Variants in ABCA1 observed in about 807,000 individuals in gnomAD.
ABCA1 encodes ATP binding cassette subfamily A member 1, also known as phospholipid-transporting ATPase ABCA1.
ABCA1 carries 133 observed loss-of-function variants against 262.5 expected under a neutral mutation model. The ratio of observed to expected loss-of-function variants is 0.51; its 90% CI spans 0.44 to 0.59. The LOEUF (loss-of-function observed/expected upper bound fraction) is 0.59, where lower values mean the gene tolerates loss of function less well. Among genes scored for constraint, ABCA1 ranks in the 20% least tolerant of loss-of-function variants. ABCA1 has a pLI of 0.00. For synonymous variants in ABCA1, 1,022 were observed against 1,043.5 expected, an observed-to-expected ratio of 0.98 and a Z score of 0.40; for missense variants, 2,452 against 2,777.5, an observed-to-expected ratio of 0.88 and a Z score of 2.63.
intron 39 of ABCA1, 58 bp from the exon 40 acceptor site, chr9:104,794,568 T>C: frequency 6.4e-7 from 1 of 1,571,264 alleles, no homozygotes; most frequent in East Asian, 2.3e-5. Flanking sequence ...GAAACGGGTG[T>C]CATTCATGGT....
At chr9:104,881,952 T>G (rs1838691699) in intron 5 of ABCA1, among the ~76,000 whole-genome samples, 1 of 149,506 alleles carries the variant, frequency 6.7e-6, no homozygotes, top group South Asian at 2.1e-4. Context: ...AAGACAGCTT[T>G]GCTTCCCTTT....
In ABCA1 at chr9:104,824,390, C is replaced by T. The variant is rs56104133; in HGVS notation, c.2656+75G>A. On this transcript the variant is annotated intron_variant, in intron 18 of 49. Coordinates refer to ENST00000374736, the MANE Select transcript of ABCA1 (RefSeq NM_005502.4). ...CACAGTCTTTTAGAAAGGCAGGAGACATCGCTTGCCCCCAACAGTTAGCAG... is the reference window on the plus strand; with the variant it reads ...CACAGTCTTTTAGAAAGGCAGGAGATATCGCTTGCCCCCAACAGTTAGCAG... 11,359 of 1,601,640 alleles carry T rather than the reference C, an allele frequency of 7.1e-3. 46 individuals are homozygous for T. The highest frequency in any genetic ancestry group is 8.8e-3 in the Non-Finnish European group (10,272 of 1,173,758).
chr9:104,820,455 T>A (rs989262739), intron 20 of ABCA1, among the ~76,000 whole-genome samples: 3 of 151,948 alleles, frequency 2.0e-5, no homozygotes, highest in African/African-American at 7.2e-5. Context: ...TCAGGGGACC[T>A]CAGGCTCTGA....
intron 19 of ABCA1, 48 bp downstream of exon 19, chr9:104,822,448 C>G (rs1042552148): frequency 1.2e-6 from 2 of 1,610,120 alleles, no homozygotes; most frequent in African/African-American, 2.7e-5. Flanking sequence ...AACTCTACTG[C>G]AGAACCCTCC....
At chr9:104,864,934 TA>T (rs1473396590) in intron 5 of ABCA1, among the ~76,000 whole-genome samples, 1 of 152,142 alleles carries the variant, frequency 6.6e-6, no homozygotes, top group Non-Finnish European at 1.5e-5. Flanking sequence ...GGATGAGACA[TA>T]AGAACCCAGA....
chr9:104,922,750 C>T (rs1036974903), intron 1 of ABCA1, among the ~76,000 whole-genome samples: 2 of 152,044 alleles, frequency 1.3e-5, no homozygotes, highest in African/African-American at 4.8e-5. Context: ...CTCACTCTGT[C>T]GCCCAGGTTG....
Position 104,921,993 on chromosome 9 carries a change from CATG to C in ABCA1, c.-93+5939_-93+5941del, listed in dbSNP as rs1474479756. Among the ~76,000 whole-genome samples the C allele has an allele frequency of 2.0e-5, 3 of 152,156 alleles. 1 individual carries two copies. Among genetic ancestry groups the C allele is most frequent in the African/African-American group, 7.2e-5 (3 of 41,500 alleles). On this transcript the variant is annotated intron_variant, in intron 1 of 49. Coordinates refer to ENST00000374736, the MANE Select transcript of ABCA1 (RefSeq NM_005502.4). Reference sequence around the variant, plus strand: ...GGAAGGAGTGGATCCAGAAGAGCTTCATGAGGAGGGAAGCATTTAAATCGGGTC... The same window carrying C: ...GGAAGGAGTGGATCCAGAAGAGCTTCAGGAGGGAAGCATTTAAATCGGGTC...
In ABCA1 at chr9:104,794,135, G is replaced by A. The variant is rs2740482; in HGVS notation, c.5506+252C>T. Among the ~76,000 whole-genome samples, 103,307 of 151,538 alleles carry A rather than the reference G, an allele frequency of 0.68. 36,904 individuals carry two copies. The highest frequency in any genetic ancestry group is 0.78 in the Non-Finnish European group (52,824 of 67,788). ...CATGAGCCAGTGGATCCAAGCAAAT[G>A]CCACTATTTTCCTTACCTTCAAAAC... On this transcript the variant is annotated intron_variant, in intron 40 of 49. Transcript: ENST00000374736.
rs1270943590 is a variant in ABCA1 at position 104,817,673 on chromosome 9, G to A, written c.3463-269C>T. Reference sequence around the variant, plus strand: ...GGCCTGCCAATGAATGCTGCAATGAGGCCTTTGCCAACCATCTCAGGCAAG... The same window carrying A: ...GGCCTGCCAATGAATGCTGCAATGAAGCCTTTGCCAACCATCTCAGGCAAG... On this transcript the variant is annotated intron_variant, in intron 23 of 49. Transcript: ENST00000374736. This position sits in a 1 kb window ranked among gnomAD's most constrained non-coding sequence, Gnocchi z 4.7. Among the ~76,000 whole-genome samples the A allele has an allele frequency of 6.6e-6, 1 of 152,194 alleles. No homozygotes were observed. Among genetic ancestry groups the A allele is most frequent in the Non-Finnish European group, 1.5e-5 (1 of 68,044 alleles).
chr9:104,812,585 A>G lies in ABCA1; in HGVS notation c.4039T>C (p.Phe1347Leu), dbSNP rs769840742. ...ACAGCACGTCTCACCTGAGCAAAAA[A>G]TCCTTTCCGACTCCGTCTGGCAATT... Reference protein sequence around the residue: ...LLIARRSRKGFFAQIVLPAVF... With the variant: ...LLIARRSRKGLFAQIVLPAVF... Residue 1347 changes from phenylalanine (F) to leucine (L), a missense_variant, in exon 28 of 50, where the codon TTT (phenylalanine) becomes CTT (leucine). Around this residue, in one of 4 missense-constraint regions of ABCA1, gnomAD observed 665 missense variants for 727.3 expected, o/e 0.91. Coordinates refer to ENST00000374736, the MANE Select transcript of ABCA1 (RefSeq NM_005502.4). 6.2e-7 allele frequency: 1 copy of G among 1,614,130 alleles called. No individual in the cohort carries two copies. Among genetic ancestry groups the G allele is most frequent in the Admixed American group, 1.7e-5 (1 of 60,012 alleles).
Position 104,816,122 on chromosome 9 carries a change from ACAGT to A in ABCA1, c.3738+17_3738+20del, listed in dbSNP as rs1564120102. On this transcript the variant is annotated intron_variant, in intron 25 of 49. Coordinates refer to ENST00000374736, the MANE Select transcript of ABCA1 (RefSeq NM_005502.4). The stretch of plus-strand genomic sequence containing the variant: ...ACATTTGGCCTTGCTATATATTCCG[ACAGT>A]CAGCCACTTAACTTACTTCTTCCAG... 12 of 1,613,940 alleles carry A rather than the reference ACAGT, an allele frequency of 7.4e-6. No individual in the cohort carries two copies. Among genetic ancestry groups the A allele is most frequent in the Non-Finnish European group, 1.0e-5 (12 of 1,179,870 alleles).
intron 12 of ABCA1, 75 bp from the exon 13 acceptor site, chr9:104,831,902 A>G (rs988732011): frequency 1.0e-5 from 14 of 1,340,870 alleles, no homozygotes; most frequent in Non-Finnish European, 1.5e-5. Flanking sequence ...ATCCTACACT[A>G]GGAGGCAAGG....
At chr9:104,858,775 G>T in intron 6 of ABCA1, 77 bp from the exon 7 acceptor site, 1 of 1,440,912 alleles carries the variant, frequency 6.9e-7, no homozygotes, top group Non-Finnish European at 9.7e-7. Context: ...GAAGTCTTTT[G>T]GAGAACTTCA....
intron 28 of ABCA1, 50 bp from the exon 29 acceptor site, chr9:104,810,974 G>A (rs1564112092): frequency 1.2e-6 from 2 of 1,613,036 alleles, no homozygotes; most frequent in East Asian, 2.2e-5. Flanking sequence ...AACGGCAAGT[G>A]TTAGAAACAA....
At chr9:104,810,686 C>A (rs757140684) in intron 29 of ABCA1, 114 bp downstream of exon 29, 28 of 1,537,388 alleles carry the variant, frequency 1.8e-5, no homozygotes, top group Non-Finnish European at 2.5e-5. Context: ...ACCTGAGCCG[C>A]AGCAGTAAAA....
chr9:104,788,962 C>A (rs1226968888), intron 44 of ABCA1, among the ~76,000 whole-genome samples: 1 of 152,188 alleles, frequency 6.6e-6, no homozygotes, highest in Non-Finnish European at 1.5e-5. Flanking sequence ...TGAGAAGGCC[C>A]AGAAATTTTG....
At chr9:104,887,975 C>A (rs1164576720) in intron 3 of ABCA1, among the ~76,000 whole-genome samples, 1 of 151,974 alleles carries the variant, frequency 6.6e-6, no homozygotes, top group East Asian at 1.9e-4. Context: ...GATCCACCCA[C>A]CTTGACTTCC....
intron 5 of ABCA1, among the ~76,000 whole-genome samples, chr9:104,870,871 A>C (rs1031886659): frequency 6.6e-6 from 1 of 152,132 alleles, no homozygotes; most frequent in Non-Finnish European, 1.5e-5. Context: ...AGGGGGTCAC[A>C]AGGTGCTCAG....
intron 5 of ABCA1, among the ~76,000 whole-genome samples, chr9:104,862,644 C>CGGGCAGGGCCGGGCAGGGCAGGGCA (rs1554729316): frequency 2.7e-4 from 2 of 7,536 alleles, no homozygotes; most frequent in African/African-American, 7.7e-4. Context: ...CGGGCCGGGC[C>CGGGCAGGGCCGGGCAGGGCAGGGCA]GGGCCGGGCC....
Sources: allele counts gnomAD v4.1 joint callset (sites outside exome capture counted in the v4.1 genomes callset), GRCh38; gene constraint gnomAD v4.1.1; regional missense constraint gnomAD v4.1.1; non-coding constraint Gnocchi (gnomAD v3.1); transcripts MANE v1.5; gene names NCBI Gene and HGNC (gene_info 2026-07-23, HGNC 2026-07-21).